The following CIBAR1 variants were observed in gnomAD, a reference collection of about 807,000 sequenced individuals.
CIBAR1 encodes CBY1-interacting BAR domain-containing protein 1.
In CIBAR1, 25 loss-of-function variants were observed where a neutral mutation model predicts 44.0. The observed-to-expected ratio is 0.57, with a 90% CI of 0.41 to 0.79. CIBAR1 has a LOEUF of 0.79. Among genes scored for constraint, CIBAR1 ranks in the 30% least tolerant of loss-of-function variants. The probability of loss-of-function intolerance (pLI) is 0.00; values close to 1 mark genes in which losing one functional copy is unlikely to be tolerated. For synonymous variants in CIBAR1, 115 were observed against 119.0 expected (o/e 0.97, Z 0.22); for missense variants, 278 against 344.8 (o/e 0.81, Z 1.53).
At chr8:93,703,484 A>G (rs1034518015) in intron 2 of CIBAR1, 136 bp from the exon 3 acceptor site, 4 of 550,906 alleles carry the variant, frequency 7.3e-6, no homozygotes, top group African/African-American at 1.9e-5. Context: ...TACTTTTACT[A>G]TTACTGTGCA....
chr8:93,728,129 CAT>C, intron 8 of CIBAR1, 74 bp from the exon 9 acceptor site: 1 of 832,950 alleles, frequency 1.2e-6, no homozygotes, highest in South Asian at 2.6e-5. Flanking sequence ...CCTTTAATAG[CAT>C]AAAAATATAC....
chr8:93,719,653 A>T (rs556951722), intron 7 of CIBAR1: 41 of 152,348 alleles, frequency 2.7e-4, no homozygotes, highest in African/African-American at 8.7e-4. Flanking sequence ...TAGGTTATGT[A>T]AGCTTGCTTT....
chr8:93,726,590 C>CA lies in CIBAR1; in HGVS notation c.777+78dup. Reference sequence around the variant, plus strand: ...GTTGAGTTCTAAAAATGTTTCCCCTCAGTCATATCACCTCGGTAACTTATC... The same window carrying CA: ...GTTGAGTTCTAAAAATGTTTCCCCTCAAGTCATATCACCTCGGTAACTTATC... On this transcript the variant is annotated intron_variant, in intron 8 of 8. Transcript: ENST00000518322. 3.2e-6 allele frequency: 5 copies of CA among 1,539,724 alleles called. 1 individual carries two copies. In the South Asian group the frequency reaches 3.5e-5, roughly 11 times the overall value.
chr8:93,706,075 C>T (rs1810567794), intron 4 of CIBAR1: 1 of 152,234 alleles, frequency 6.6e-6, no homozygotes, highest in Non-Finnish European at 1.5e-5. Context: ...CCAGAAACCA[C>T]ATGAGGAGTG....
chr8:93,714,453 T>TA lies in CIBAR1; in HGVS notation c.544-4221dup, dbSNP rs566179474. 2.4e-3 allele frequency among the ~76,000 whole-genome samples: 371 copies of TA among 152,272 alleles called. 1 individual carries two copies. Among genetic ancestry groups the TA allele is most frequent in the Middle Eastern group, 6.8e-3 (2 of 294 alleles). ...CATAACCCTAGCAGACTCCCAGAAA[T>TA]ATGAGCACTAGATATCAATACCAGA... On this transcript the variant is annotated intron_variant, in intron 6 of 8. Transcript: ENST00000518322.
intron 7 of CIBAR1, chr8:93,719,949 T>C (rs1811186281): frequency 6.6e-6 from 1 of 152,000 alleles, no homozygotes; most frequent in Non-Finnish European, 1.5e-5. Context: ...CTTAACAAAT[T>C]TGAAGATTCC....
chr8:93,702,878 GA>G (rs568569104), intron 2 of CIBAR1, among the ~76,000 whole-genome samples: 27 of 151,784 alleles, frequency 1.8e-4, no homozygotes, highest in Middle Eastern at 6.8e-3. Flanking sequence ...CCTATCTTGA[GA>G]AAAAAAATTT....
chr8:93,727,024 C>T (rs1199113816), intron 8 of CIBAR1: 2 of 473,120 alleles, frequency 4.2e-6, no homozygotes, highest in Admixed American at 2.4e-5. Flanking sequence ...CATTCTTAGG[C>T]TTTGTGGGCC....
chr8:93,709,671 A>G (rs1461768880), intron 5 of CIBAR1, 100 bp from the exon 6 acceptor site: 1 of 897,438 alleles, frequency 1.1e-6, no homozygotes, highest in Admixed American at 2.0e-5. Context: ...CTGTTATGCC[A>G]AAAAGCCAGT....
Position 93,728,522 on chromosome 8 carries a change from C to A in CIBAR1, c.*225C>A. 2.8e-6 allele frequency: 1 copy of A among 354,004 alleles called. No homozygotes were observed. Among genetic ancestry groups the A allele is most frequent in the Non-Finnish European group, 5.1e-6 (1 of 196,702 alleles). 21.9% of individuals were successfully genotyped at this position (354,004 alleles called of 1,614,324 possible). On this transcript the variant is annotated 3_prime_UTR_variant, in exon 9 of 9. Transcript: ENST00000518322. ...TGTTACATGATTTTTGTGTAAGTGC[C>A]TTTTTTTTTAAAGATGGTGTATTTC... is the stretch of plus-strand genomic sequence containing the variant.
intron 6 of CIBAR1, among the ~76,000 whole-genome samples, chr8:93,711,910 G>A (rs1810837949): frequency 6.6e-6 from 1 of 152,110 alleles, no homozygotes; most frequent in Non-Finnish European, 1.5e-5. Context: ...TACAATTCCT[G>A]CTACCTTGGA....
chr8:93,707,840 A>C (rs1428920927), intron 4 of CIBAR1, among the ~76,000 whole-genome samples, 171 bp from the exon 5 acceptor site: 1 of 152,202 alleles, frequency 6.6e-6, no homozygotes, highest in Admixed American at 6.5e-5. Context: ...TAGTATCTTG[A>C]AAATGTGTAG....
At chr8:93,708,095 GA>G in intron 5 of CIBAR1, 79 bp downstream of exon 5, 1 of 1,133,800 alleles carries the variant, frequency 8.8e-7, no homozygotes, top group Non-Finnish European at 1.2e-6. Context: ...ACATTTTCTT[GA>G]AAAAGAAAGC....
In CIBAR1 at chr8:93,718,789, G is replaced by T. The variant is rs1478918273; in HGVS notation, c.657+1G>T. On this transcript the variant is annotated splice_donor_variant, in intron 7 of 8. Coordinates refer to ENST00000518322, the MANE Select transcript of CIBAR1 (RefSeq NM_145269.5). LOFTEE classifies it high-confidence loss of function. ...CATTGATGAAGATGAAGATTTAGAG[G>T]TAGGACTATGTCTATCTAAGCTCAG... The T allele has an allele frequency of 6.7e-7, 1 of 1,492,770 alleles. No individual in the cohort carries two copies. The highest frequency in any genetic ancestry group is 1.3e-5 in the South Asian group (1 of 78,928). 92.5% of individuals were successfully genotyped at this position (1,492,770 alleles called of 1,614,324 possible). A position where few individuals can be genotyped will look rare whatever the true frequency, so the allele number is the denominator to read the frequency against.
chr8:93,724,808 C>T (rs537430575), intron 7 of CIBAR1, among the ~76,000 whole-genome samples: 5 of 152,302 alleles, frequency 3.3e-5, no homozygotes, highest in Middle Eastern at 3.4e-3. Context: ...CCAGTGGCTA[C>T]GTTTCTGTAC....
chr8:93,720,355 A>G (rs1811215668), intron 7 of CIBAR1, among the ~76,000 whole-genome samples: 1 of 152,222 alleles, frequency 6.6e-6, no homozygotes, highest in Admixed American at 6.5e-5. Flanking sequence ...CACGGGCTCC[A>G]GGAAACTTAA....
intron 6 of CIBAR1, among the ~76,000 whole-genome samples, chr8:93,710,234 T>C (rs12056877): frequency 0.63 from 94,723 of 151,552 alleles, 30,278 homozygotes; most frequent in South Asian, 0.72. Context: ...GCCATGACCG[T>C]GCCACTGCAC....
In CIBAR1 at chr8:93,728,416, ATAAT is replaced by A; in HGVS notation, c.*123_*126del. 3 of 622,880 alleles carry A rather than the reference ATAAT, an allele frequency of 4.8e-6. No individual in the cohort carries two copies. Among genetic ancestry groups the A allele is most frequent in the Non-Finnish European group, 5.3e-6 (2 of 379,336 alleles). 38.6% of individuals were successfully genotyped at this position (622,880 alleles called of 1,614,324 possible). A position where few individuals can be genotyped will look rare whatever the true frequency, so the allele number is the denominator to read the frequency against. Reference sequence around the variant, plus strand: ...GTGAAGTCCAACTGGAAACAGAAAAATAATTAAAGGAAACTTATGCTGACCAAAA... The same window carrying A: ...GTGAAGTCCAACTGGAAACAGAAAAATAAAGGAAACTTATGCTGACCAAAA... On this transcript the variant is annotated 3_prime_UTR_variant, in exon 9 of 9. Coordinates refer to ENST00000518322, the MANE Select transcript of CIBAR1 (RefSeq NM_145269.5).
chr8:93,723,137 C>A (rs924600562), intron 7 of CIBAR1, among the ~76,000 whole-genome samples: 1 of 152,220 alleles, frequency 6.6e-6, no homozygotes, highest in African/African-American at 2.4e-5. Context: ...GCTGGGACTA[C>A]AGGCACCCGC....
Sources: gnomAD v4.1 joint callset for allele counts (sites outside exome capture counted in the v4.1 genomes callset) on GRCh38, gnomAD v4.1.1 for gene constraint, MANE v1.5 for transcripts, NCBI Gene and HGNC (gene_info 2026-07-23, HGNC 2026-07-21) for gene names.